Variants in DIAPH3 observed in about 807,000 individuals in gnomAD.
The protein encoded by DIAPH3 is protein diaphanous homolog 3.
In DIAPH3, 117 loss-of-function variants were observed where a neutral mutation model predicts 144.3. That is an observed-to-expected ratio of 0.81 (90% CI 0.70 to 0.95). DIAPH3 has a LOEUF of 0.95. Ranked by LOEUF, DIAPH3 falls within the 40% of genes least tolerant of loss-of-function variation. DIAPH3 has a pLI of 0.00. For synonymous variants in DIAPH3, 519 were observed against 488.9 expected, an observed-to-expected ratio of 1.06 and a Z score of -0.81; for missense variants, 1,421 against 1,412.7, an observed-to-expected ratio of 1.01 and a Z score of -0.09.
intron 2 of DIAPH3, among the ~76,000 whole-genome samples, chr13:60,124,377 C>T (rs569476229): frequency 2.0e-5 from 3 of 152,128 alleles, no homozygotes; most frequent in African/African-American, 7.2e-5. Context: ...AGAAATTTTT[C>T]CATGTCCTTT....
intron 25 of DIAPH3, among the ~76,000 whole-genome samples, chr13:59,793,938 ACAGAC>A (rs1389986184): frequency 6.6e-6 from 1 of 152,184 alleles, no homozygotes; most frequent in Non-Finnish European, 1.5e-5. Context: ...CAAATATAAT[ACAGAC>A]TGTTCCCAAC....
chr13:60,037,711 A>G (rs891774756), intron 5 of DIAPH3, among the ~76,000 whole-genome samples: 4 of 152,050 alleles, frequency 2.6e-5, no homozygotes, highest in Non-Finnish European at 5.9e-5. Context: ...TGGAAAAAGT[A>G]GCATAAATTA....
At chr13:59,737,604 C>A (rs563741210) in intron 27 of DIAPH3, among the ~76,000 whole-genome samples, 10 of 152,126 alleles carry the variant, frequency 6.6e-5, no homozygotes, top group Non-Finnish European at 1.5e-4. Context: ...CCCCAACATA[C>A]GTGGACTTAT....
At chr13:59,911,883 T>A (rs2140238428) in intron 19 of DIAPH3, 47 bp from the exon 20 acceptor site, 1 of 1,324,882 alleles carries the variant, frequency 7.5e-7, no homozygotes, top group African/African-American at 1.5e-5. Flanking sequence ...ATGTACTTCT[T>A]GAATTTTAAA....
chr13:59,973,832 T>A (rs1299567619), intron 15 of DIAPH3, among the ~76,000 whole-genome samples: 1 of 152,146 alleles, frequency 6.6e-6, no homozygotes, highest in Admixed American at 6.6e-5. Flanking sequence ...AAATGTTTTA[T>A]GTGTAGAGGG....
intron 2 of DIAPH3, among the ~76,000 whole-genome samples, chr13:60,121,191 C>A (rs1319150067): frequency 4.0e-5 from 6 of 151,106 alleles, no homozygotes. Flanking sequence ...GTGATAAAGT[C>A]GCAGGCCAAA....
intron 8 of DIAPH3, 96 bp downstream of exon 8, chr13:60,010,437 T>C (rs2053164266): frequency 2.4e-6 from 3 of 1,256,550 alleles, no homozygotes; most frequent in Admixed American, 2.2e-5. Context: ...ATTTAAATTC[T>C]AGTAAATTCT....
intron 22 of DIAPH3, among the ~76,000 whole-genome samples, chr13:59,842,911 G>A (rs568268687): frequency 6.6e-6 from 1 of 152,192 alleles, no homozygotes; most frequent in South Asian, 2.1e-4. Context: ...CAACCCAGAA[G>A]CTCCCCCAAC....
chr13:59,895,646 C>T (rs1028712528), intron 20 of DIAPH3, among the ~76,000 whole-genome samples: 8 of 152,112 alleles, frequency 5.3e-5, no homozygotes, highest in African/African-American at 7.2e-5. Flanking sequence ...GGAGCCACAA[C>T]GTGAATGAAG....
chr13:59,694,471 T>G (rs894900034), intron 27 of DIAPH3, among the ~76,000 whole-genome samples: 17 of 152,174 alleles, frequency 1.1e-4, no homozygotes, highest in African/African-American at 4.1e-4. Context: ...TCATAGTTTC[T>G]GAAATTAAAT....
chr13:60,051,396 G>A lies in DIAPH3; in HGVS notation c.496-8576C>T, dbSNP rs557513161. ...ACACTTTGGGAGGCTAAGACGGGTG[G>A]ATCATCTGAGGTCAGGAGTTCGAGA... On this transcript the variant is annotated intron_variant, in intron 4 of 27. Coordinates refer to ENST00000400324, the MANE Select transcript of DIAPH3 (RefSeq NM_001042517.2). Among the ~76,000 whole-genome samples, 9 of 152,244 alleles carry A rather than the reference G, an allele frequency of 5.9e-5. No homozygotes were observed. The South Asian group carries it at 1.9e-3, about 32-fold the overall frequency.
At chr13:59,915,716 G>A (rs921224292) in intron 19 of DIAPH3, among the ~76,000 whole-genome samples, 6 of 151,986 alleles carry the variant, frequency 3.9e-5, no homozygotes, top group African/African-American at 1.4e-4. Flanking sequence ...AATACTCATA[G>A]GAGCCCAAAT....
chr13:59,713,115 C>T (rs2034835941), intron 27 of DIAPH3, among the ~76,000 whole-genome samples: 1 of 152,188 alleles, frequency 6.6e-6, no homozygotes, highest in Non-Finnish European at 1.5e-5. Context: ...TGCTGCTAAC[C>T]AGTACCTATC....
intron 27 of DIAPH3, among the ~76,000 whole-genome samples, chr13:59,680,979 C>T (rs1217012024): frequency 1.3e-5 from 2 of 152,154 alleles, no homozygotes; most frequent in African/African-American, 4.8e-5. Flanking sequence ...TTTGGTAATG[C>T]AACTCTTACG....
intron 5 of DIAPH3, among the ~76,000 whole-genome samples, chr13:60,038,296 T>A (rs2055376666): frequency 6.6e-6 from 1 of 152,158 alleles, no homozygotes; most frequent in South Asian, 2.1e-4. Context: ...AAATTTAAAG[T>A]AAGTCAAAGT....
chr13:60,133,077 C>A, intron 1 of DIAPH3, 88 bp from the exon 2 acceptor site: 1 of 871,170 alleles, frequency 1.1e-6, no homozygotes. Context: ...TTCTACAATC[C>A]TAACTTGAAT....
At chr13:59,759,620 CG>C (rs2037467697) in intron 27 of DIAPH3, among the ~76,000 whole-genome samples, 1 of 152,132 alleles carries the variant, frequency 6.6e-6, no homozygotes, top group Admixed American at 6.6e-5. Context: ...GAGTAATAGG[CG>C]GTGTTCAGCT....
At chr13:59,788,171 G>A (rs1362230412) in intron 25 of DIAPH3, among the ~76,000 whole-genome samples, 2 of 152,174 alleles carry the variant, frequency 1.3e-5, no homozygotes, top group Non-Finnish European at 2.9e-5. Flanking sequence ...ACATCAATGA[G>A]AGATCATTTT....
chr13:60,020,306 T>C (rs1300705721), intron 5 of DIAPH3, among the ~76,000 whole-genome samples: 1 of 152,132 alleles, frequency 6.6e-6, no homozygotes, highest in African/African-American at 2.4e-5. Context: ...ACTGAACCTG[T>C]CTCAACCTTC....
Sources: gnomAD v4.1 joint callset for allele counts (sites outside exome capture counted in the v4.1 genomes callset) on GRCh38, gnomAD v4.1.1 for gene constraint, MANE v1.5 for transcripts, NCBI Gene and HGNC (gene_info 2026-07-23, HGNC 2026-07-21) for gene names.